Variants in ATG2A observed in about 807,000 individuals in gnomAD.
ATG2A encodes autophagy related 2A.
A neutral mutation model predicts 214.2 loss-of-function variants in ATG2A; 103 were observed. The observed-to-expected ratio is 0.48, with a 90% CI of 0.41 to 0.57. ATG2A has a LOEUF of 0.57. Among genes scored for constraint, ATG2A ranks in the 20% least tolerant of loss-of-function variants. The probability of loss-of-function intolerance (pLI) is 0.00; values close to 1 mark genes in which losing one functional copy is unlikely to be tolerated. For missense variants in ATG2A, 2,312 were observed against 2,613.2 expected (o/e 0.88, Z 2.51); for synonymous variants, 1,160 against 1,142.1 (o/e 1.02, Z -0.32).
chr11:64,896,905 G>C, intron 37 of ATG2A, 36 bp from the exon 38 acceptor site: 1 of 1,609,830 alleles, frequency 6.2e-7, no homozygotes, highest in Non-Finnish European at 8.5e-7. Flanking sequence ...CAGAAGGTGA[G>C]GCAGAGCCAC....
At chr11:64,897,023 CCTT>C (rs1418700120) in intron 37 of ATG2A, 154 bp from the exon 38 acceptor site, 4 of 1,065,292 alleles carry the variant, frequency 3.8e-6, no homozygotes, top group African/African-American at 3.2e-5. Flanking sequence ...GGGACTGTGT[CCTT>C]TTTTTTTTTT....
intron 3 of ATG2A, 78 bp downstream of exon 3, chr11:64,914,003 C>T (rs1944881310): frequency 1.9e-6 from 3 of 1,564,984 alleles, no homozygotes; most frequent in Admixed American, 1.9e-5. Context: ...ACCAGGGTGG[C>T]CGTGCCGTTG....
At position 64,902,669 on chromosome 11, in the gene ATG2A, T is replaced by C; in HGVS notation, c.3624A>G (p.Leu1208=). The C allele has an allele frequency of 1.2e-6, 2 of 1,609,480 alleles. No individual in the cohort carries two copies. The highest frequency in any genetic ancestry group is 4.5e-5 in the East Asian group (2 of 44,806). The part of the protein sequence containing the change: ...GSTEGKLSQP[L]FELRCSNNVV... ...CATTGTTGGAGCAGCGCAGCTCGAATAGTGGCTGGCTCTGCAGGGGCGGGG... is the reference window on the plus strand; with the variant it reads ...CATTGTTGGAGCAGCGCAGCTCGAACAGTGGCTGGCTCTGCAGGGGCGGGG... The change falls in exon 27 of 41, where the codon CTA becomes CTG. Residue 1208 remains leucine, a synonymous_variant. Transcript: ENST00000377264.
In ATG2A at chr11:64,910,949, G is replaced by A. The variant is rs143251062; in HGVS notation, c.1472C>T (p.Thr491Met). 3.3e-5 allele frequency: 53 copies of A among 1,613,234 alleles called. No homozygotes were observed. The highest frequency in any genetic ancestry group is 9.3e-5 in the African/African-American group (7 of 74,936). The change falls in exon 11 of 41, where the codon ACG (threonine) becomes ATG (methionine). Residue 491 changes from threonine to methionine, a missense_variant. Coordinates refer to ENST00000377264, the MANE Select transcript of ATG2A (RefSeq NM_015104.3). Reference sequence around the variant, plus strand: ...CCAGGACAGCTGCACGGCTGTGCCCGTTAGCCTGCGGGGAAGAGGACAGGC... The same window carrying A: ...CCAGGACAGCTGCACGGCTGTGCCCATTAGCCTGCGGGGAAGAGGACAGGC... ...RACPCSHVRL[T>M]GTAVQLSWEL...
In ATG2A at chr11:64,911,197, A is replaced by G; in HGVS notation, c.1307T>C (p.Leu436Pro). 1 of 1,614,146 alleles carries G rather than the reference A, an allele frequency of 6.2e-7. No homozygotes were observed. Among genetic ancestry groups the G allele is most frequent in the Non-Finnish European group, 8.5e-7 (1 of 1,180,028 alleles). Residue 436 changes from leucine (L) to proline (P), a missense_variant, in exon 10 of 41, where the codon CTG (leucine) becomes CCG (proline). By Grantham distance (98) the Leu-to-Pro change is moderately conservative. Coordinates refer to ENST00000377264, the MANE Select transcript of ATG2A (RefSeq NM_015104.3). Reference protein sequence around the residue: ...LLKMTLGGVTLTLLQTSAPSS... With the variant: ...LLKMTLGGVTPTLLQTSAPSS... ...TGGGGCAGACGTCTGAAGCAAGGTCAGGGTCACACCCCCCAAGGTCATCTT... is the reference window on the plus strand; with the variant it reads ...TGGGGCAGACGTCTGAAGCAAGGTCGGGGTCACACCCCCCAAGGTCATCTT...
intron 6 of ATG2A, 150 bp downstream of exon 6, chr11:64,912,888 G>T: frequency 1.5e-6 from 1 of 654,792 alleles, no homozygotes; most frequent in Non-Finnish European, 2.5e-6. Context: ...CCCTGTGCCT[G>T]GCCTACAGCC....
chr11:64,897,818 A>C (rs1207023883), intron 35 of ATG2A, 21 bp downstream of exon 35: 1 of 1,613,096 alleles, frequency 6.2e-7, no homozygotes, highest in Admixed American at 1.7e-5. Flanking sequence ...AGGGCCCCCC[A>C]CCCGCAGTCC....
At position 64,914,512 on chromosome 11, in the gene ATG2A, C is replaced by G; in HGVS notation, c.172-12G>C. The G allele has an allele frequency of 1.2e-6, 2 of 1,610,588 alleles. No homozygotes were observed. Among genetic ancestry groups the G allele is most frequent in the Non-Finnish European group, 1.7e-6 (2 of 1,178,822 alleles). The stretch of plus-strand genomic sequence containing the variant: ...ACCTCGTTCACAGACTGGGAGCAAG[C>G]AAGAGACAAAACCAGCTCAGGGAAA... On this transcript the variant is annotated splice_polypyrimidine_tract_variant and intron_variant, in intron 1 of 40. Coordinates refer to ENST00000377264, the MANE Select transcript of ATG2A (RefSeq NM_015104.3).
chr11:64,917,105 A>C lies in ATG2A; in HGVS notation c.31T>G (p.Cys11Gly). Residue 11 changes from cysteine to glycine, a missense_variant, in exon 1 of 41, where the codon TGT (cysteine) becomes GGT (glycine). Cys to Gly is a radical substitution (Grantham distance 159). Transcript: ENST00000377264. MSRWLWPWSNCVKERVCRYLL... is the reference protein window; with the variant it reads MSRWLWPWSNGVKERVCRYLL... ...TAGCGGCAGACCCGCTCTTTCACAC[A>C]GTTTGACCATGGCCACAGCCATCGT... The C allele has an allele frequency of 1.2e-6, 2 of 1,612,322 alleles. No homozygotes were observed. The highest frequency in any genetic ancestry group is 1.3e-5 in the African/African-American group (1 of 74,944).
intron 16 of ATG2A, 55 bp downstream of exon 16, chr11:64,908,936 G>A: frequency 6.5e-7 from 1 of 1,536,052 alleles, no homozygotes; most frequent in Non-Finnish European, 8.7e-7. Context: ...CCTACGGCAG[G>A]AACCCGGGCG....
chr11:64,904,209 G>A (rs547050154), intron 24 of ATG2A, among the ~76,000 whole-genome samples: 3 of 151,928 alleles, frequency 2.0e-5, no homozygotes, highest in East Asian at 3.9e-4. Flanking sequence ...TCACACCACT[G>A]CACTCTAGCC....
chr11:64,914,773 G>C (rs139707557), intron 1 of ATG2A, among the ~76,000 whole-genome samples: 5,929 of 152,132 alleles, frequency 0.039, 153 homozygotes, highest in Middle Eastern at 0.065. Context: ...CTTTCTACAT[G>C]CTGACACTGA....
Position 64,914,485 on chromosome 11 carries a change from G to C in ATG2A, c.187C>G (p.Leu63Val). The C allele has an allele frequency of 6.2e-7, 1 of 1,612,712 alleles. No individual in the cohort carries two copies. The change falls in exon 2 of 41, where the codon CTG becomes GTG. Residue 63 changes from leucine to valine, a missense_variant. Coordinates refer to ENST00000377264, the MANE Select transcript of ATG2A (RefSeq NM_015104.3). ...TCCAGCGGTGACTCCATTGACTCCAGCACCTCGTTCACAGACTGGGAGCAA... is the reference window on the plus strand; with the variant it reads ...TCCAGCGGTGACTCCATTGACTCCACCACCTCGTTCACAGACTGGGAGCAA... The part of the protein sequence containing the change: ...HLEIWSVNEV[L>V]ESMESPLELV...
rs757385953 is a variant in ATG2A, at chr11:64,898,827, C to T, written c.4480G>A (p.Glu1494Lys). The T allele has an allele frequency of 6.8e-6, 11 of 1,610,486 alleles. No homozygotes were observed. The highest frequency in any genetic ancestry group is 2.5e-6 in the Non-Finnish European group (3 of 1,179,862). ...IQLSKVSFQH[E>K]VYPAEPATGP... ...GTGGCTGGCTCCGCTGGGTACACCT[C>T]GTGCTGGAAGCTTACCTGTGGGGTG... is the stretch of plus-strand genomic sequence containing the variant. The change falls in exon 32 of 41, where the codon GAG (glutamate) becomes AAG (lysine). Residue 1494 changes from glutamate (E) to lysine (K), a missense_variant. Transcript: ENST00000377264. This position sits in a 1 kb window ranked among gnomAD's most constrained non-coding sequence, Gnocchi z 4.5.
In ATG2A at chr11:64,897,925, G is replaced by T; in HGVS notation, c.4908C>A (p.Ala1636=). The change falls in exon 35 of 41, where the codon GCC becomes GCA. Residue 1636 remains alanine, a synonymous_variant. Coordinates refer to ENST00000377264, the MANE Select transcript of ATG2A (RefSeq NM_015104.3). ...AQPSSPLEGQ[A]EGVETTGSQE... is the part of the protein sequence containing the mutation. ...GCGAACCAGTGGTCTCTACGCCTTC[G>T]GCCTGCCCTTCCAGGGGGCTGCTGG... The T allele has an allele frequency of 6.4e-7, 1 of 1,551,482 alleles. No homozygotes were observed. Among genetic ancestry groups the T allele is most frequent in the Non-Finnish European group, 8.7e-7 (1 of 1,150,164 alleles).
At position 64,912,335 on chromosome 11, in the gene ATG2A, C is replaced by A; in HGVS notation, c.914G>T (p.Ser305Ile). The A allele has an allele frequency of 1.3e-6, 2 of 1,484,410 alleles. No individual in the cohort carries two copies. The highest frequency in any genetic ancestry group is 1.1e-5 in the South Asian group (1 of 88,142). 92.0% of individuals were successfully genotyped at this position (1,484,410 alleles called of 1,614,324 possible). ...QQLQELLSAV[S>I]LTDHEGLADK... ...CCACCCAGGGGCCTCACCTGTAAGG[C>A]TCACGGCGCTGAGCAGTTCCTGAAG... The change falls in exon 7 of 41, where the codon AGC becomes ATC. Residue 305 changes from serine (S) to isoleucine (I), a missense_variant. By Grantham distance (142) the Ser-to-Ile change is moderately radical. Transcript: ENST00000377264.
Position 64,913,160 on chromosome 11 carries a change from G to A in ATG2A, c.727-24C>T. ...TCCTGGGAGACGGGAGGATACAAGA[G>A]GGAAAGGTTGAGAAAATGGAGTCAG... On this transcript the variant is annotated intron_variant, in intron 5 of 40. Transcript: ENST00000377264. This position sits in a 1 kb window ranked among gnomAD's most constrained non-coding sequence, Gnocchi z 4.3. 6.3e-7 allele frequency: 1 copy of A among 1,594,778 alleles called. No homozygotes were observed. Among genetic ancestry groups the A allele is most frequent in the Non-Finnish European group, 8.6e-7 (1 of 1,169,174 alleles).
Position 64,913,259 on chromosome 11 carries a change from C to A in ATG2A, c.726+7G>T. ...GACAGGGGCTGTGGGAATCAGAGCC[C>A]GCTCACCTGTGCCGGGAGCTCCTCG... On this transcript the variant is annotated splice_region_variant and intron_variant, in intron 5 of 40. Coordinates refer to ENST00000377264, the MANE Select transcript of ATG2A (RefSeq NM_015104.3). The surrounding 1 kb of genome is among the most constrained non-coding windows in gnomAD (Gnocchi z 4.3). 6.2e-7 allele frequency: 1 copy of A among 1,611,850 alleles called. No homozygotes were observed.
rs370525808 is a variant in ATG2A at position 64,902,281 on chromosome 11, G to A, written c.3883C>T (p.Arg1295Trp). The A allele has an allele frequency of 1.4e-5, 23 of 1,612,844 alleles. No individual in the cohort carries two copies. The Admixed American group carries it at 1.7e-4, about 12-fold the overall frequency. Reference protein sequence around the residue: ...DALLDTERSLRELAQPSGGHL... With the variant: ...DALLDTERSLWELAQPSGGHL... ...TCACCTGAAGGCTGGGCCAGCTCCC[G>A]TAGGCTGCGCTCGGTGTCCAGGAGG... The change falls in exon 28 of 41, where the codon CGG becomes TGG. Residue 1295 changes from arginine (R) to tryptophan (W), a missense_variant. By Grantham distance (101) the Arg-to-Trp change is moderately radical. Transcript: ENST00000377264.
Sources: gnomAD v4.1 joint callset for allele counts (sites outside exome capture counted in the v4.1 genomes callset) on GRCh38, gnomAD v4.1.1 for gene constraint, Gnocchi (gnomAD v3.1) non-coding constraint, MANE v1.5 for transcripts, NCBI Gene and HGNC (gene_info 2026-07-23, HGNC 2026-07-21) for gene names.